Variants in CENPW observed in about 807,000 individuals in gnomAD.
CENPW encodes cancer-up-regulated gene 2 protein.
Under a neutral mutation model 11.1 loss-of-function variants are expected in CENPW, and 3 were observed. That is an observed-to-expected ratio of 0.27 (90% CI 0.12 to 0.70). The LOEUF (loss-of-function observed/expected upper bound fraction) is 0.70. Among genes scored for constraint, CENPW ranks in the 30% least tolerant of loss-of-function variants. The pLI, the probability that CENPW is intolerant of heterozygous loss-of-function variation, is 0.77. For synonymous variants in CENPW, 38 were observed against 42.0 expected, an observed-to-expected ratio of 0.91 and a Z score of 0.37; for missense variants, 100 against 105.6, an observed-to-expected ratio of 0.95 and a Z score of 0.23.
At chr6:126,421,665 C>T in the CENPW span, among the ~76,000 whole-genome samples, 3 of 150,656 alleles carry the variant, frequency 2.0e-5, no homozygotes, top group East Asian at 5.8e-4. Context: ...TTCCCCTAGT[C>T]TTTCTGCTAT....
At position 126,342,970 on chromosome 6, in the gene CENPW, G is replaced by T. The variant is rs188713032; in HGVS notation, c.126+2571G>T. Among the ~76,000 whole-genome samples the T allele has an allele frequency of 1.5e-3, 228 of 152,198 alleles. 2 individuals carry two copies. The highest frequency in any genetic ancestry group is 5.1e-3 in the African/African-American group (211 of 41,516). On this transcript the variant is annotated intron_variant, in intron 1 of 2. Transcript: ENST00000368328. ...CCTTATTTGATTGTTTAGCCCCAGG[G>T]ATGGTACTAGGGAGAGAGTTAACAT...
the CENPW span, among the ~76,000 whole-genome samples, chr6:126,365,198 G>C: frequency 6.6e-6 from 1 of 152,138 alleles, no homozygotes; most frequent in Non-Finnish European, 1.5e-5. Flanking sequence ...TTGGGAGTCA[G>C]GGATATAATT....
chr6:126,440,961 C>T, the CENPW span, among the ~76,000 whole-genome samples: 1 of 151,352 alleles, frequency 6.6e-6, no homozygotes, highest in Non-Finnish European at 1.5e-5. Flanking sequence ...TTTGAGTTTA[C>T]CTAGTAAGAA....
the CENPW span, among the ~76,000 whole-genome samples, chr6:126,430,888 C>T: frequency 2.0e-5 from 3 of 151,762 alleles, no homozygotes; most frequent in East Asian, 3.9e-4. Flanking sequence ...CCACTGCACT[C>T]CAGCCTGGGT....
chr6:126,353,845 A>G (rs1780519511), downstream of CENPW, among the ~76,000 whole-genome samples: 1 of 151,594 alleles, frequency 6.6e-6, no homozygotes, highest in African/African-American at 2.4e-5. Flanking sequence ...TAATTTTCTC[A>G]TCTGTTTCAT....
At chr6:126,367,630 G>A in the CENPW span, among the ~76,000 whole-genome samples, 1 of 152,106 alleles carries the variant, frequency 6.6e-6, no homozygotes, top group Non-Finnish European at 1.5e-5. Context: ...CCAAATGGTG[G>A]GAGTCTTGAA....
the CENPW span, among the ~76,000 whole-genome samples, chr6:126,453,047 C>CT: frequency 4.8e-4 from 72 of 151,176 alleles, no homozygotes; most frequent in African/African-American, 1.7e-3. Context: ...CAAAAACTTC[C>CT]TTCAGATATG....
chr6:126,469,344 C>T, the CENPW span, among the ~76,000 whole-genome samples: 1 of 152,160 alleles, frequency 6.6e-6, no homozygotes, highest in African/African-American at 2.4e-5. Flanking sequence ...AAGAAGGCAC[C>T]TGCTTCCCCT....
At chr6:126,371,272 A>AT in the CENPW span, among the ~76,000 whole-genome samples, 1 of 151,868 alleles carries the variant, frequency 6.6e-6, no homozygotes, top group Non-Finnish European at 1.5e-5. Context: ...TTCTATGGTG[A>AT]TTTTACTGAG....
At chr6:126,457,948 G>T in the CENPW span, among the ~76,000 whole-genome samples, 1 of 151,210 alleles carries the variant, frequency 6.6e-6, no homozygotes, top group Admixed American at 6.6e-5. Context: ...TCATGCATGG[G>T]ACTCTCTGTT....
At chr6:126,340,701 A>T (rs1780286388) in intron 1 of CENPW, among the ~76,000 whole-genome samples, 1 of 152,182 alleles carries the variant, frequency 6.6e-6, no homozygotes, top group African/African-American at 2.4e-5. Context: ...CTGTTTAGGA[A>T]CACAATCTGG....
chr6:126,411,065 G>C, the CENPW span, among the ~76,000 whole-genome samples: 83 of 151,974 alleles, frequency 5.5e-4, no homozygotes, highest in African/African-American at 2.0e-3. Context: ...CATATTTTCT[G>C]TGTCTCTGTA....
chr6:126,416,122 A>T, the CENPW span, among the ~76,000 whole-genome samples: 2 of 152,202 alleles, frequency 1.3e-5, no homozygotes, highest in Non-Finnish European at 2.9e-5. Context: ...GTGGTCTCAG[A>T]TGGAAATGAG....
At chr6:126,426,216 C>A in the CENPW span, among the ~76,000 whole-genome samples, 1 of 152,016 alleles carries the variant, frequency 6.6e-6, no homozygotes, top group African/African-American at 2.4e-5. Context: ...TTAACAGAAC[C>A]TTAAACTAGC....
the CENPW span, among the ~76,000 whole-genome samples, chr6:126,370,758 T>G: frequency 1.3e-5 from 2 of 152,078 alleles, no homozygotes; most frequent in East Asian, 3.9e-4. Flanking sequence ...TTATTTCTTT[T>G]TTTTTTTTTC....
chr6:126,464,301 C>G, the CENPW span, among the ~76,000 whole-genome samples: 10 of 152,012 alleles, frequency 6.6e-5, no homozygotes, highest in African/African-American at 2.4e-4. Flanking sequence ...TCAGTAAAGT[C>G]AGAATAGAGA....
At chr6:126,457,863 G>A in the CENPW span, among the ~76,000 whole-genome samples, 1 of 151,266 alleles carries the variant, frequency 6.6e-6, no homozygotes, top group African/African-American at 2.4e-5. Flanking sequence ...ATCATTCTAT[G>A]ATATAGTCCC....
the CENPW span, among the ~76,000 whole-genome samples, chr6:126,394,034 G>A: frequency 6.6e-6 from 1 of 151,802 alleles, no homozygotes; most frequent in Admixed American, 6.6e-5. Flanking sequence ...TATAGGTGAA[G>A]TATGTTTGTT....
At chr6:126,361,840 T>C in the CENPW span, among the ~76,000 whole-genome samples, 2 of 152,160 alleles carry the variant, frequency 1.3e-5, no homozygotes, top group Non-Finnish European at 2.9e-5. Flanking sequence ...ATCTTGTCCC[T>C]CTTACTGCTG....
Sources: gnomAD v4.1 joint callset for allele counts (sites outside exome capture counted in the v4.1 genomes callset) on GRCh38, gnomAD v4.1.1 for gene constraint, MANE v1.5 for transcripts, NCBI Gene and HGNC (gene_info 2026-07-23, HGNC 2026-07-21) for gene names.